Variants in PCDHGA8 observed in about 807,000 individuals in gnomAD.
The protein encoded by PCDHGA8 is protocadherin gamma-A8.
Under a neutral mutation model 59.2 loss-of-function variants are expected in PCDHGA8, and 45 were observed. That is an observed-to-expected ratio of 0.76 (90% confidence interval 0.60 to 0.98). The LOEUF (loss-of-function observed/expected upper bound fraction) is 0.98. Among genes scored for constraint, PCDHGA8 ranks in the 50% least tolerant of loss-of-function variants. PCDHGA8 has a pLI of 0.00. For synonymous variants in PCDHGA8, 531 were observed against 519.0 expected (o/e 1.02, Z -0.32); for missense variants, 1,257 against 1,196.2 (o/e 1.05, Z -0.75).
At chr5:141,438,633 TATAC>T (rs1373299550) in intron 1 of PCDHGA8, among the ~76,000 whole-genome samples, 3,683 of 33,472 alleles carry the variant, frequency 0.11, 56 homozygotes, top group Non-Finnish European at 0.14. Flanking sequence ...TATATATATA[TATAC>T]ACACACACAC....
chr5:141,410,549 G>T, intron 1 of PCDHGA8: 1 of 1,613,438 alleles, frequency 6.2e-7, no homozygotes, highest in East Asian at 2.2e-5. Context: ...GGTTTGCAGT[G>T]TTTCTCCTGG....
At chr5:141,481,722 G>A (rs546676646) in intron 1 of PCDHGA8, among the ~76,000 whole-genome samples, 1 of 152,214 alleles carries the variant, frequency 6.6e-6, no homozygotes, top group African/African-American at 2.4e-5. Flanking sequence ...GGGAGGCGGA[G>A]GCGGGCGGAT....
In PCDHGA8 at chr5:141,431,766, C is replaced by T. The variant is rs1474420822; in HGVS notation, c.2424+36529C>T. Reference sequence around the variant, plus strand: ...TCTGCGCGAGCCAAAGTCCTGATCACTGTTCTGGACGTGAACGACAATGCC... The same window carrying T: ...TCTGCGCGAGCCAAAGTCCTGATCATTGTTCTGGACGTGAACGACAATGCC... On this transcript the variant is annotated intron_variant, in intron 1 of 3. Transcript: ENST00000398604. The surrounding 1 kb of genome is among the most constrained non-coding windows in gnomAD (Gnocchi z 4.8). 2.5e-6 allele frequency: 4 copies of T among 1,614,196 alleles called. No individual in the cohort carries two copies. Among genetic ancestry groups the T allele is most frequent in the Non-Finnish European group, 3.4e-6 (4 of 1,180,010 alleles).
chr5:141,423,904 G>A, intron 1 of PCDHGA8: 2 of 1,275,052 alleles, frequency 1.6e-6, no homozygotes, highest in Middle Eastern at 3.1e-4. Flanking sequence ...TGATTTCAAA[G>A]GGGCCATTCA....
intron 1 of PCDHGA8, among the ~76,000 whole-genome samples, chr5:141,463,641 C>T (rs182957065): frequency 2.0e-5 from 3 of 151,734 alleles, no homozygotes; most frequent in African/African-American, 7.2e-5. Context: ...TTAGTAGAGA[C>T]GGGGTTTCAC....
At chr5:141,459,874 A>G (rs922438277) in intron 1 of PCDHGA8, among the ~76,000 whole-genome samples, 10 of 152,156 alleles carry the variant, frequency 6.6e-5, no homozygotes, top group African/African-American at 2.4e-4. Flanking sequence ...TTCATCTTTA[A>G]CTGAGCTGAA....
Position 141,408,177 on chromosome 5 carries a change from G to A in PCDHGA8, c.2424+12940G>A, listed in dbSNP as rs1359754385. 7.2e-6 allele frequency: 11 copies of A among 1,534,346 alleles called. 1 individual carries two copies. In the South Asian group the frequency reaches 1.3e-4, roughly 19 times the overall value. ...GCACTTTCTCCAACTGGAAAAGCGGGGACCCAGCGAGAACCCGAGCGAACG... is the reference window on the plus strand; with the variant it reads ...GCACTTTCTCCAACTGGAAAAGCGGAGACCCAGCGAGAACCCGAGCGAACG... On this transcript the variant is annotated intron_variant, in intron 1 of 3. Transcript: ENST00000398604.
At chr5:141,428,049 G>A (rs770637382) in intron 1 of PCDHGA8, 16 of 1,608,954 alleles carry the variant, frequency 9.9e-6, no homozygotes, top group Non-Finnish European at 1.4e-5. Flanking sequence ...GGTGACCAAG[G>A]TGGTGGCGGT....
intron 1 of PCDHGA8, among the ~76,000 whole-genome samples, chr5:141,429,377 GT>G (rs566693637): frequency 1.3e-4 from 20 of 149,526 alleles, no homozygotes; most frequent in South Asian, 8.5e-4. Flanking sequence ...GAGAAAATGT[GT>G]TTTTTTTTTA....
chr5:141,395,163 G>A lies in PCDHGA8; in HGVS notation c.2350G>A (p.Gly784Ser). 6.2e-7 allele frequency: 1 copy of A among 1,614,160 alleles called. No individual in the cohort carries two copies. The highest frequency in any genetic ancestry group is 1.6e-4 in the Middle Eastern group (1 of 6,062). Residue 784 changes from glycine to serine, a missense_variant, in exon 1 of 4, where the codon GGC becomes AGC. Transcript: ENST00000398604. ...CGCAGACATGCTCATCAGTCAGGAG[G>A]GCTGTGAGAAAAATGATTCTTTGTT... is the stretch of plus-strand genomic sequence containing the variant. The part of the protein sequence containing the change: ...NYADMLISQE[G>S]CEKNDSLLTS...
chr5:141,409,599 C>T (rs753753955), intron 1 of PCDHGA8: 22 of 1,613,822 alleles, frequency 1.4e-5, no homozygotes, highest in Non-Finnish European at 1.8e-5. Flanking sequence ...GAGAACAACC[C>T]GCCAGGAGCC....
rs535194185 is a variant in PCDHGA8, at chr5:141,485,480, A to C, written c.2425-9327A>C. 6.2e-7 allele frequency: 1 copy of C among 1,614,154 alleles called. No individual in the cohort carries two copies. The highest frequency in any genetic ancestry group is 1.7e-5 in the Admixed American group (1 of 60,020). On this transcript the variant is annotated intron_variant, in intron 1 of 3. Coordinates refer to ENST00000398604, the MANE Select transcript of PCDHGA8 (RefSeq NM_032088.2). This position sits in a 1 kb window ranked among gnomAD's most constrained non-coding sequence, Gnocchi z 5.7. The stretch of plus-strand genomic sequence containing the variant: ...ACTGTGTGGGCTCAGTGCCAGCTGC[A>C]TCGTGCCCCTGGAGTTTGTCACCGA...
chr5:141,395,162 G>C lies in PCDHGA8; in HGVS notation c.2349G>C (p.Glu783Asp). The C allele has an allele frequency of 6.2e-7, 1 of 1,614,148 alleles. No individual in the cohort carries two copies. The highest frequency in any genetic ancestry group is 8.5e-7 in the Non-Finnish European group (1 of 1,180,012). Reference sequence around the variant, plus strand: ...ACGCAGACATGCTCATCAGTCAGGAGGGCTGTGAGAAAAATGATTCTTTGT... The same window carrying C: ...ACGCAGACATGCTCATCAGTCAGGACGGCTGTGAGAAAAATGATTCTTTGT... ...PNYADMLISQ[E>D]GCEKNDSLLT... The change falls in exon 1 of 4, where the codon GAG (glutamate) becomes GAC (aspartate). Residue 783 changes from glutamate (E) to aspartate (D), a missense_variant. Transcript: ENST00000398604.
chr5:141,467,756 T>A (rs1312303182), intron 1 of PCDHGA8, among the ~76,000 whole-genome samples: 5 of 151,988 alleles, frequency 3.3e-5, no homozygotes, highest in African/African-American at 1.2e-4. Flanking sequence ...CCGCCTCACA[T>A]GCTCAAGTGC....
chr5:141,418,013 A>C (rs769578436), intron 1 of PCDHGA8: 2 of 1,613,906 alleles, frequency 1.2e-6, no homozygotes, highest in African/African-American at 2.7e-5. Flanking sequence ...GAACCTCGCT[A>C]AGGATCTAGG....
intron 3 of PCDHGA8, among the ~76,000 whole-genome samples, chr5:141,506,189 G>A (rs529165145): frequency 3.6e-4 from 55 of 152,262 alleles, no homozygotes; most frequent in African/African-American, 1.1e-3. Flanking sequence ...GGTGGCTCAC[G>A]CCTGTAATCC....
chr5:141,429,450 A>G (rs1326036711), intron 1 of PCDHGA8, among the ~76,000 whole-genome samples: 1 of 152,114 alleles, frequency 6.6e-6, no homozygotes, highest in East Asian at 1.9e-4. Context: ...CTTGGGCTAC[A>G]GTAATCCTCC....
chr5:141,478,100 C>T, intron 1 of PCDHGA8: 1 of 1,614,124 alleles, frequency 6.2e-7, no homozygotes, highest in Non-Finnish European at 8.5e-7. Context: ...CACTGCTACC[C>T]TCACTGTGTC....
Position 141,489,772 on chromosome 5 carries a change from T to C in PCDHGA8, c.2425-5035T>C, listed in dbSNP as rs1327700197. 6.2e-7 allele frequency: 1 copy of C among 1,614,154 alleles called. No individual in the cohort carries two copies. The highest frequency in any genetic ancestry group is 8.5e-7 in the Non-Finnish European group (1 of 1,179,994). ...TTACACTCTAAGCCCCAACAGCCAC[T>C]TCTCTCTGAATGTGAAGACCCTAAA... On this transcript the variant is annotated intron_variant, in intron 1 of 3. Coordinates refer to ENST00000398604, the MANE Select transcript of PCDHGA8 (RefSeq NM_032088.2). This position sits in a 1 kb window ranked among gnomAD's most constrained non-coding sequence, Gnocchi z 4.5.
Sources: allele counts gnomAD v4.1 joint callset (sites outside exome capture counted in the v4.1 genomes callset), GRCh38; gene constraint gnomAD v4.1.1; non-coding constraint Gnocchi (gnomAD v3.1); transcripts MANE v1.5; gene names NCBI Gene and HGNC (gene_info 2026-07-23, HGNC 2026-07-21).